The following MFSD6 variants were observed in gnomAD, a reference collection of about 807,000 sequenced individuals.
The protein encoded by MFSD6 is major facilitator superfamily domain-containing protein 6.
MFSD6 carries 26 observed loss-of-function variants against 56.3 expected under a neutral mutation model. The ratio of observed to expected loss-of-function variants is 0.46; its 90% CI spans 0.34 to 0.64. The LOEUF (loss-of-function observed/expected upper bound fraction) is 0.64. Ranked by LOEUF, MFSD6 falls within the 30% of genes least tolerant of loss-of-function variation. MFSD6 has a pLI of 0.01. For missense variants in MFSD6, 750 were observed against 986.2 expected, an observed-to-expected ratio of 0.76 and a Z score of 3.21; for synonymous variants, 331 against 366.9, an observed-to-expected ratio of 0.90 and a Z score of 1.12.
rs183471034 is a variant in MFSD6, at chr2:190,499,684, C to T, written c.2173-331C>T. 9.7e-6 allele frequency: 8 copies of T among 823,058 alleles called. No homozygotes were observed. Among genetic ancestry groups the T allele is most frequent in the East Asian group, 5.9e-5 (1 of 17,030 alleles). 51.0% of individuals were successfully genotyped at this position (823,058 alleles called of 1,614,324 possible). On this transcript the variant is annotated intron_variant, in intron 7 of 7. Coordinates refer to ENST00000392328, the MANE Select transcript of MFSD6 (RefSeq NM_017694.4). The surrounding 1 kb of genome is among the most constrained non-coding windows in gnomAD (Gnocchi z 6.0). ...CAGTTATTCCATAGTGCTTGCCCAG[C>T]GACTTGCCACATGGCTTGGGGGGCT...
chr2:190,429,807 G>C (rs570137930), intron 2 of MFSD6, among the ~76,000 whole-genome samples: 36 of 151,994 alleles, frequency 2.4e-4, no homozygotes, highest in Admixed American at 4.6e-4. Context: ...TTTTGTATAT[G>C]ATGTCAGATA....
At chr2:190,448,998 G>A (rs1343204825) in intron 3 of MFSD6, among the ~76,000 whole-genome samples, 1 of 152,158 alleles carries the variant, frequency 6.6e-6, no homozygotes, top group African/African-American at 2.4e-5. Flanking sequence ...ATGTTTTAAA[G>A]AAACATTTAT....
At chr2:190,408,777 C>T (rs1318763697) in intron 1 of MFSD6, among the ~76,000 whole-genome samples, 1 of 152,062 alleles carries the variant, frequency 6.6e-6, no homozygotes, top group Non-Finnish European at 1.5e-5. Context: ...CCTGCGCCCC[C>T]AGCGCGCCCC....
chr2:190,484,763 TA>T (rs1476525261), intron 4 of MFSD6, among the ~76,000 whole-genome samples: 1 of 152,180 alleles, frequency 6.6e-6, no homozygotes, highest in African/African-American at 2.4e-5. Context: ...GTTTCCTATC[TA>T]AGAAATGAGA....
At chr2:190,414,274 A>G (rs370488711) in intron 1 of MFSD6, among the ~76,000 whole-genome samples, 4 of 152,164 alleles carry the variant, frequency 2.6e-5, no homozygotes, top group African/African-American at 9.7e-5. Flanking sequence ...GTCCTGGAAC[A>G]TAAAATAAAG....
intron 3 of MFSD6, among the ~76,000 whole-genome samples, chr2:190,450,557 A>G (rs980317187): frequency 2.3e-5 from 3 of 131,556 alleles, no homozygotes; most frequent in East Asian, 2.3e-4. Context: ...CAGTGATGCA[A>G]TCTCAGCTCA....
rs1289965470 is a variant in MFSD6, at chr2:190,413,297, G to C, written c.-175-1995G>C. Among the ~76,000 whole-genome samples the C allele has an allele frequency of 6.6e-6, 1 of 152,062 alleles. No individual in the cohort carries two copies. The highest frequency in any genetic ancestry group is 1.5e-5 in the Non-Finnish European group (1 of 68,026). On this transcript the variant is annotated intron_variant, in intron 1 of 7. Coordinates refer to ENST00000392328, the MANE Select transcript of MFSD6 (RefSeq NM_017694.4). The surrounding 1 kb of genome is among the most constrained non-coding windows in gnomAD (Gnocchi z 4.1). The stretch of plus-strand genomic sequence containing the variant: ...TAGGATGGGAGGGGCGGGGTAGAAT[G>C]GGGGAGAATAGGGCAAAGATGGGAA...
At chr2:190,427,292 G>A (rs1685811554) in intron 2 of MFSD6, among the ~76,000 whole-genome samples, 3 of 152,218 alleles carry the variant, frequency 2.0e-5, no homozygotes, top group Non-Finnish European at 2.9e-5. Flanking sequence ...TGAGGGGTTG[G>A]GGGTTCCCCA....
At chr2:190,478,848 A>G (rs558200476) in intron 4 of MFSD6, among the ~76,000 whole-genome samples, 7 of 152,170 alleles carry the variant, frequency 4.6e-5, no homozygotes, top group African/African-American at 1.7e-4. Context: ...AAAAAAAATA[A>G]GCAAAGTCTG....
At chr2:190,422,295 T>C (rs928436009) in intron 2 of MFSD6, among the ~76,000 whole-genome samples, 1 of 152,198 alleles carries the variant, frequency 6.6e-6, no homozygotes, top group African/African-American at 2.4e-5. Flanking sequence ...CCCACTAGAC[T>C]GGTTGCCCTT....
At chr2:190,427,488 T>A (rs76116051) in intron 2 of MFSD6, among the ~76,000 whole-genome samples, 23 of 152,350 alleles carry the variant, frequency 1.5e-4, no homozygotes, top group African/African-American at 5.5e-4. Flanking sequence ...CAGGCACTTG[T>A]TAGGGCTTTT....
chr2:190,479,037 T>C (rs12613807), intron 4 of MFSD6, among the ~76,000 whole-genome samples: 67,672 of 151,892 alleles, frequency 0.45, 15,744 homozygotes, highest in East Asian at 0.61. Context: ...GGATTCCTTG[T>C]TATCTTCAGT....
At position 190,437,077 on chromosome 2, in the gene MFSD6, C is replaced by A; in HGVS notation, c.1048C>A (p.His350Asn). 1 of 1,614,236 alleles carries A rather than the reference C, an allele frequency of 6.2e-7. No homozygotes were observed. The change falls in exon 3 of 8, where the codon CAC (histidine) becomes AAC (asparagine). Residue 350 changes from histidine to asparagine, a missense_variant. Transcript: ENST00000392328. The surrounding 1 kb of genome is among the most constrained non-coding windows in gnomAD (Gnocchi z 5.9). ...LSVGIGIDYTHIEVLIDGKGC... is the reference protein window; with the variant it reads ...LSVGIGIDYTNIEVLIDGKGC... ...TGTGGGCATCGGGATCGACTACACC[C>A]ACATCGAAGTGCTCATCGATGGAAA...
At chr2:190,419,389 A>T (rs1446804632) in intron 2 of MFSD6, among the ~76,000 whole-genome samples, 1 of 152,258 alleles carries the variant, frequency 6.6e-6, no homozygotes, top group Non-Finnish European at 1.5e-5. Flanking sequence ...ACAGTTGACA[A>T]GACAGAGCTG....
chr2:190,460,769 G>A (rs1320775612), intron 3 of MFSD6, among the ~76,000 whole-genome samples: 1 of 152,196 alleles, frequency 6.6e-6, no homozygotes, highest in African/African-American at 2.4e-5. Context: ...AGACAGGTGG[G>A]GATGGTGGCC....
chr2:190,412,135 C>A lies in MFSD6; in HGVS notation c.-175-3157C>A. On this transcript the variant is annotated intron_variant, in intron 1 of 7. Coordinates refer to ENST00000392328, the MANE Select transcript of MFSD6 (RefSeq NM_017694.4). The surrounding 1 kb of genome is among the most constrained non-coding windows in gnomAD (Gnocchi z 4.1). ...TACAGTCCCATAGTTCTATCCAATT[C>A]TATGTAAAATTAACTAAAACCACTG... The A allele has an allele frequency of 2.0e-6, 2 of 983,642 alleles. No individual in the cohort carries two copies. The highest frequency in any genetic ancestry group is 9.4e-5 in the South Asian group (2 of 21,238). The allele number at this position is 983,642 out of a possible 1,614,324, so 60.9% of individuals were successfully genotyped here.
At chr2:190,464,196 C>T (rs1462540380) in intron 3 of MFSD6, among the ~76,000 whole-genome samples, 2 of 152,208 alleles carry the variant, frequency 1.3e-5, no homozygotes, top group Non-Finnish European at 2.9e-5. Flanking sequence ...AAGTGTCAGT[C>T]TAACGGCAAA....
rs1349665783 is a variant in MFSD6, at chr2:190,498,096, G to A, written c.2172+377G>A. ...TATTATAGGACCACAATAAATATTT[G>A]TTGAATTAATTAATCTGAGCCACTG... On this transcript the variant is annotated intron_variant, in intron 7 of 7. Transcript: ENST00000392328. This position sits in a 1 kb window ranked among gnomAD's most constrained non-coding sequence, Gnocchi z 5.9. 5.6e-6 allele frequency: 1 copy of A among 179,328 alleles called. No homozygotes were observed. The highest frequency in any genetic ancestry group is 2.4e-5 in the African/African-American group (1 of 41,894). The allele number at this position is 179,328 out of a possible 1,614,324, so 11.1% of individuals were successfully genotyped here. A position where few individuals can be genotyped will look rare whatever the true frequency, so the allele number is the denominator to read the frequency against.
intron 4 of MFSD6, among the ~76,000 whole-genome samples, chr2:190,480,653 G>C (rs1688609713): frequency 6.6e-6 from 1 of 152,156 alleles, no homozygotes; most frequent in Non-Finnish European, 1.5e-5. Flanking sequence ...AAGTGCTAAG[G>C]CTTGAATTAG....
Sources: gnomAD v4.1 joint callset for allele counts (sites outside exome capture counted in the v4.1 genomes callset) on GRCh38, gnomAD v4.1.1 for gene constraint, Gnocchi (gnomAD v3.1) non-coding constraint, MANE v1.5 for transcripts, NCBI Gene and HGNC (gene_info 2026-07-23, HGNC 2026-07-21) for gene names.